MAL: variants seen among roughly 807,000 people sequenced by gnomAD.
The protein encoded by MAL is mal, T cell differentiation protein (MAL blood group), also known as myelin and lymphocyte protein.
Under a neutral mutation model 16.7 loss-of-function variants are expected in MAL, and 5 were observed. The ratio of observed to expected loss-of-function variants is 0.30; its 90% CI spans 0.16 to 0.63. The LOEUF is 0.63. Among genes scored for constraint, MAL ranks in the 30% least tolerant of loss-of-function variants. MAL has a pLI of 0.82. For missense variants in MAL, 202 were observed against 195.8 expected (o/e 1.03, Z -0.19); for synonymous variants, 96 against 85.5 (o/e 1.12, Z -0.67).
chr2:95,036,563 G>A (rs577096478), intron 1 of MAL, among the ~76,000 whole-genome samples: 5 of 152,378 alleles, frequency 3.3e-5, no homozygotes, highest in African/African-American at 1.2e-4. Flanking sequence ...GGGTGTGCCT[G>A]CCTTAGTGTT....
At chr2:95,028,390 T>G (rs1186094477) in intron 1 of MAL, among the ~76,000 whole-genome samples, 1 of 152,044 alleles carries the variant, frequency 6.6e-6, no homozygotes, top group Non-Finnish European at 1.5e-5. Context: ...GAGATACCAC[T>G]TCACACCCAT....
chr2:95,037,343 AGTGG>A (rs200889414), intron 1 of MAL, among the ~76,000 whole-genome samples: 1 of 149,018 alleles, frequency 6.7e-6, no homozygotes, highest in Non-Finnish European at 1.5e-5. Context: ...TGAGTGACTG[AGTGG>A]GTGAGTGAGT....
In MAL at chr2:95,038,957, C is replaced by G. The variant is rs150343756; in HGVS notation, c.94-9002C>G. Among the ~76,000 whole-genome samples the G allele has an allele frequency of 7.6e-3, 661 of 86,496 alleles. 9 individuals carry two copies. The highest frequency in any genetic ancestry group is 0.028 in the African/African-American group (631 of 22,144). 56.7% of individuals were successfully genotyped at this position (86,496 alleles called of 152,430 possible). A position where few individuals can be genotyped will look rare whatever the true frequency, so the allele number is the denominator to read the frequency against. ...GTGAGTGACCGAGTGACTGAGTGAG[C>G]AAGTGAGTGAGTGACTGAGTGAGTG... On this transcript the variant is annotated intron_variant, in intron 1 of 3. Coordinates refer to ENST00000309988, the MANE Select transcript of MAL (RefSeq NM_002371.4).
At chr2:95,033,238 G>C (rs1317827291) in intron 1 of MAL, among the ~76,000 whole-genome samples, 17 of 152,234 alleles carry the variant, frequency 1.1e-4, no homozygotes, top group South Asian at 4.1e-4. Flanking sequence ...TCAGTGGAGT[G>C]GGGCGGGTGG....
chr2:95,026,005 G>A (rs1488889354), intron 1 of MAL, 120 bp downstream of exon 1: 6 of 850,080 alleles, frequency 7.1e-6, no homozygotes, highest in South Asian at 1.8e-5. Flanking sequence ...CATCGGGGCA[G>A]CAGGCGCAGG....
chr2:95,045,958 C>T (rs1254578024), intron 1 of MAL, among the ~76,000 whole-genome samples: 5 of 152,196 alleles, frequency 3.3e-5, no homozygotes, highest in African/African-American at 1.2e-4. Flanking sequence ...TGCATCCCAC[C>T]GGCCCTGCCA....
chr2:95,041,911 G>A (rs1303734149), intron 1 of MAL, among the ~76,000 whole-genome samples: 1 of 152,056 alleles, frequency 6.6e-6, no homozygotes, highest in Non-Finnish European at 1.5e-5. Context: ...TGTTCTTAGA[G>A]AAGCTCAACT....
At chr2:95,053,049 G>C (rs1674752497) in intron 3 of MAL, 1 of 250,260 alleles carries the variant, frequency 4.0e-6, no homozygotes, top group African/African-American at 2.2e-5. Flanking sequence ...TTACCTGCCT[G>C]AGATGCTTTC....
intron 1 of MAL, among the ~76,000 whole-genome samples, chr2:95,038,500 C>CTGAGTGAGTGAGTGAGTGAG (rs1358269440): frequency 3.7e-5 from 2 of 54,506 alleles, no homozygotes; most frequent in Non-Finnish European, 4.0e-5. Context: ...GAGTGAGTGA[C>CTGAGTGAGTGAGTGAGTGAG]TGAGTGAGTG....
At chr2:95,036,214 G>A (rs1674200941) in intron 1 of MAL, among the ~76,000 whole-genome samples, 2 of 152,172 alleles carry the variant, frequency 1.3e-5, no homozygotes, top group African/African-American at 2.4e-5. Flanking sequence ...GTTCTCTTTG[G>A]TAGCAGTCCC....
At chr2:95,040,919 G>A (rs753894892) in intron 1 of MAL, among the ~76,000 whole-genome samples, 1 of 152,118 alleles carries the variant, frequency 6.6e-6, no homozygotes, top group African/African-American at 2.4e-5. Context: ...CACACACCAC[G>A]TGCTCGGTGC....
At position 95,025,915 on chromosome 2, in the gene MAL, G is replaced by A. The variant is rs1286307047; in HGVS notation, c.93+30G>A. The A allele has an allele frequency of 6.6e-7, 1 of 1,519,186 alleles. No homozygotes were observed. The highest frequency in any genetic ancestry group is 8.9e-7 in the Non-Finnish European group (1 of 1,127,634). 94.1% of individuals were successfully genotyped at this position (1,519,186 alleles called of 1,614,324 possible). The stretch of plus-strand genomic sequence containing the variant: ...GTGGCTCCTGGCCGGGGAAGGGACG[G>A]GGTGGGCTGAGCCGTGCGCTCTCTC... On this transcript the variant is annotated intron_variant, in intron 1 of 3. Coordinates refer to ENST00000309988, the MANE Select transcript of MAL (RefSeq NM_002371.4). The surrounding 1 kb of genome is among the most constrained non-coding windows in gnomAD (Gnocchi z 5.6).
intron 1 of MAL, among the ~76,000 whole-genome samples, chr2:95,046,778 A>G (rs1043465391): frequency 3.9e-5 from 6 of 152,048 alleles, no homozygotes; most frequent in African/African-American, 1.2e-4. Context: ...CACTTCCTGG[A>G]CTTGGGAATA....
chr2:95,039,055 GGTGA>G (rs1307763121), intron 1 of MAL, among the ~76,000 whole-genome samples: 32 of 92,694 alleles, frequency 3.5e-4, no homozygotes, highest in Non-Finnish European at 5.8e-4. Context: ...TGACTGAGTG[GGTGA>G]GTGAGTGAGT....
At chr2:95,031,532 G>C (rs1002344883) in intron 1 of MAL, among the ~76,000 whole-genome samples, 1 of 152,352 alleles carries the variant, frequency 6.6e-6, no homozygotes, top group Admixed American at 6.5e-5. Flanking sequence ...TTTTATGGGG[G>C]ATAGAATAGT....
intron 1 of MAL, among the ~76,000 whole-genome samples, chr2:95,026,160 G>A (rs997709941): frequency 1.3e-5 from 2 of 152,168 alleles, no homozygotes; most frequent in Non-Finnish European, 2.9e-5. Flanking sequence ...GGGGCAGGGG[G>A]GGACGGCTCT....
intron 3 of MAL, among the ~76,000 whole-genome samples, chr2:95,050,191 G>A (rs577371790): frequency 6.6e-6 from 1 of 152,290 alleles, no homozygotes; most frequent in South Asian, 2.1e-4. Flanking sequence ...CTGACCTCAT[G>A]GGTCTCCTGA....
chr2:95,038,764 G>A (rs937474103), intron 1 of MAL, among the ~76,000 whole-genome samples: 1 of 151,558 alleles, frequency 6.6e-6, no homozygotes, highest in Non-Finnish European at 1.5e-5. Context: ...GACTGAGTGA[G>A]TGACTGAGTG....
rs1376295024 is a variant in MAL, at chr2:95,049,675, A to G, written c.356A>G (p.Tyr119Cys). The G allele has an allele frequency of 2.5e-6, 4 of 1,614,082 alleles. No homozygotes were observed. The East Asian group carries it at 6.7e-5, about 27-fold the overall frequency. ...ATITMQDGFTYRHYHENIAAV... is the reference protein window; with the variant it reads ...ATITMQDGFTCRHYHENIAAV... ...ATCACGATGCAAGACGGCTTCACCT[A>G]CAGGCACTACCATGAAAACATTGCT... Residue 119 changes from tyrosine (Y) to cysteine (C), a missense_variant, in exon 3 of 4, where the codon TAC (tyrosine) becomes TGC (cysteine). Transcript: ENST00000309988.
Sources: gnomAD v4.1 joint callset for allele counts (sites outside exome capture counted in the v4.1 genomes callset) on GRCh38, gnomAD v4.1.1 for gene constraint, Gnocchi (gnomAD v3.1) non-coding constraint, MANE v1.5 for transcripts, NCBI Gene and HGNC (gene_info 2026-07-23, HGNC 2026-07-21) for gene names.